The following ZNF385D variants were observed in gnomAD, a reference collection of about 807,000 sequenced individuals.
ZNF385D encodes the protein zinc finger protein 659.
A neutral mutation model predicts 35.8 loss-of-function variants in ZNF385D; 15 were observed. That is an observed-to-expected ratio of 0.42 (90% CI 0.28 to 0.64). The LOEUF (loss-of-function observed/expected upper bound fraction) is 0.64. Among genes scored for constraint, ZNF385D ranks in the 30% least tolerant of loss-of-function variants. The pLI, the probability that ZNF385D is intolerant of heterozygous loss-of-function variation, is 0.23. For missense variants in ZNF385D, 474 were observed against 494.6 expected (o/e 0.96, Z 0.39); for synonymous variants, 212 against 186.8 (o/e 1.13, Z -1.10).
At chr3:22,313,463 A>T (rs1385675747) in intron 2 of ZNF385D, among the ~76,000 whole-genome samples, 2 of 152,192 alleles carry the variant, frequency 1.3e-5, no homozygotes, top group Non-Finnish European at 2.9e-5. Flanking sequence ...GACTGTAGAA[A>T]AATTAAATTA....
At chr3:21,982,715 T>C (rs917220901) in intron 3 of ZNF385D, among the ~76,000 whole-genome samples, 3 of 152,196 alleles carry the variant, frequency 2.0e-5, no homozygotes, top group African/African-American at 7.2e-5. Context: ...ACATTGACTG[T>C]GGATTTGTCA....
intron 2 of ZNF385D, among the ~76,000 whole-genome samples, chr3:22,313,372 A>G (rs1415703779): frequency 6.6e-6 from 1 of 152,146 alleles, no homozygotes; most frequent in Non-Finnish European, 1.5e-5. Context: ...CACGTTGTGC[A>G]CATGTACCCT....
rs184581851 is a variant in ZNF385D, at chr3:22,115,909, G to A, written c.325+52908C>T. Among the ~76,000 whole-genome samples, 95 of 152,052 alleles carry A rather than the reference G, an allele frequency of 6.2e-4. 1 individual carries two copies. Among genetic ancestry groups the A allele is most frequent in the Admixed American group, 3.5e-3 (54 of 15,244 alleles). ...TTTGATCTTGTCAATACTTTAAAGC[G>A]AGCTGATGCCTATACCAAAAGCTGT... On this transcript the variant is annotated intron_variant, in intron 3 of 5. Transcript: ENST00000494108.
At chr3:22,147,850 G>A (rs968111912) in intron 3 of ZNF385D, among the ~76,000 whole-genome samples, 1 of 152,122 alleles carries the variant, frequency 6.6e-6, no homozygotes, top group African/African-American at 2.4e-5. Flanking sequence ...AACTAGGAAA[G>A]AAATACTCTC....
At chr3:22,167,986 G>A (rs949836718) in intron 3 of ZNF385D, among the ~76,000 whole-genome samples, 6 of 151,818 alleles carry the variant, frequency 4.0e-5, no homozygotes, top group African/African-American at 1.5e-4. Context: ...TCATCATTTG[G>A]CCACCTTGAA....
intron 2 of ZNF385D, among the ~76,000 whole-genome samples, chr3:22,296,192 T>C (rs562262726): frequency 1.9e-4 from 29 of 152,326 alleles, no homozygotes; most frequent in African/African-American, 7.0e-4. Flanking sequence ...GCTACAATAC[T>C]ACCCTCAAAA....
chr3:21,552,229 T>A (rs764323418), intron 3 of ZNF385D, among the ~76,000 whole-genome samples: 2 of 152,214 alleles, frequency 1.3e-5, no homozygotes, highest in Non-Finnish European at 1.5e-5. Flanking sequence ...TGATCTAATA[T>A]GTATGTATAT....
At chr3:22,164,431 G>C (rs772796585) in intron 3 of ZNF385D, among the ~76,000 whole-genome samples, 5 of 151,518 alleles carry the variant, frequency 3.3e-5, no homozygotes, top group Admixed American at 6.6e-5. Context: ...GTTTCACCAT[G>C]TTTGCCAGGA....
chr3:22,287,399 C>T (rs911714254), intron 2 of ZNF385D, among the ~76,000 whole-genome samples: 11 of 151,890 alleles, frequency 7.2e-5, no homozygotes, highest in South Asian at 4.1e-4. Flanking sequence ...TTACTAATGT[C>T]ATTTTGTTAA....
At chr3:21,681,726 AT>A (rs1234511921) in intron 1 of ZNF385D, among the ~76,000 whole-genome samples, 2 of 151,922 alleles carry the variant, frequency 1.3e-5, no homozygotes, top group Non-Finnish European at 2.9e-5. Context: ...AAAAAAGGAA[AT>A]AAAACAATCA....
At chr3:22,208,247 C>A (rs115407088) in intron 2 of ZNF385D, among the ~76,000 whole-genome samples, 1,851 of 151,930 alleles carry the variant, frequency 0.012, 21 homozygotes, top group Non-Finnish European at 0.019. Flanking sequence ...CAATGGAGAG[C>A]TATTTGGTCA....
chr3:21,814,839 G>A (rs1401834321), intron 3 of ZNF385D, among the ~76,000 whole-genome samples: 12 of 152,132 alleles, frequency 7.9e-5, no homozygotes, highest in Admixed American at 7.9e-4. Context: ...AGACCTAATA[G>A]ACATCTACAG....
At chr3:22,196,963 G>A (rs1020455350) in intron 2 of ZNF385D, among the ~76,000 whole-genome samples, 2 of 151,860 alleles carry the variant, frequency 1.3e-5, no homozygotes, top group African/African-American at 4.8e-5. Flanking sequence ...ATTTTTGAAG[G>A]ATGTTTTCAA....
intron 1 of ZNF385D, among the ~76,000 whole-genome samples, chr3:21,721,841 T>G (rs1000340560): frequency 6.6e-6 from 1 of 152,322 alleles, no homozygotes; most frequent in East Asian, 1.9e-4. Context: ...GGCTCACGCC[T>G]GTATTCCCAG....
intron 3 of ZNF385D, among the ~76,000 whole-genome samples, chr3:22,090,083 T>A (rs1701252178): frequency 6.6e-6 from 1 of 152,090 alleles, no homozygotes. Flanking sequence ...TGTGATCTAC[T>A]TTCCTCGGCC....
intron 6 of ZNF385D, among the ~76,000 whole-genome samples, chr3:21,424,301 T>TTTTA (rs1553628838): frequency 1.2e-5 from 1 of 80,152 alleles, no homozygotes; most frequent in African/African-American, 4.7e-5. Context: ...ATATATATAT[T>TTTTA]TATATATATA....
chr3:21,454,629 T>C (rs1428724434), intron 4 of ZNF385D, among the ~76,000 whole-genome samples: 1 of 152,114 alleles, frequency 6.6e-6, no homozygotes, highest in Non-Finnish European at 1.5e-5. Context: ...CCACAGCCAA[T>C]ATCATACTGA....
At chr3:21,462,031 C>T (rs1332677516) in intron 4 of ZNF385D, among the ~76,000 whole-genome samples, 5 of 152,064 alleles carry the variant, frequency 3.3e-5, no homozygotes, top group African/African-American at 1.2e-4. Context: ...TGACTTAATT[C>T]TTTTGGTCAC....
intron 4 of ZNF385D, among the ~76,000 whole-genome samples, chr3:21,503,406 C>T (rs1301362140): frequency 6.6e-6 from 1 of 152,108 alleles, no homozygotes; most frequent in Non-Finnish European, 1.5e-5. Flanking sequence ...TCCAACCTTC[C>T]TTAGGAAAAC....
Sources: allele counts gnomAD v4.1 joint callset (sites outside exome capture counted in the v4.1 genomes callset), GRCh38; gene constraint gnomAD v4.1.1; transcripts MANE v1.5; gene names NCBI Gene and HGNC (gene_info 2026-07-23, HGNC 2026-07-21).